Variants in FLACC1 observed in about 807,000 individuals in gnomAD.
FLACC1 encodes the protein flagellum associated containing coiled-coil domains 1.
A neutral mutation model predicts 62.8 loss-of-function variants in FLACC1; 66 were observed. The observed-to-expected ratio is 1.05, with a 90% CI of 0.86 to 1.29. FLACC1 has a LOEUF of 1.29. Among genes scored for constraint, FLACC1 ranks in the 50% most tolerant of loss-of-function variants. The probability of loss-of-function intolerance (pLI) is 0.00; values close to 1 mark genes in which losing one functional copy is unlikely to be tolerated. For synonymous variants in FLACC1, 156 were observed against 161.0 expected, an observed-to-expected ratio of 0.97 and a Z score of 0.24; for missense variants, 452 against 489.1, an observed-to-expected ratio of 0.92 and a Z score of 0.71.
At chr2:201,323,843 G>C (rs1463783237) in intron 9 of FLACC1, among the ~76,000 whole-genome samples, 2 of 140,018 alleles carry the variant, frequency 1.4e-5, no homozygotes, top group African/African-American at 5.4e-5. Flanking sequence ...AGAAAGGTGG[G>C]CTAAAAGGAG....
intron 9 of FLACC1, among the ~76,000 whole-genome samples, chr2:201,312,863 C>T (rs111636653): frequency 0.057 from 8,697 of 152,212 alleles, 702 homozygotes; most frequent in African/African-American, 0.17. Flanking sequence ...CCGTAGGACC[C>T]GGGAGATGCC....
intron 9 of FLACC1, among the ~76,000 whole-genome samples, chr2:201,327,657 AC>A (rs1388799209): frequency 1.3e-5 from 2 of 152,198 alleles, no homozygotes; most frequent in Admixed American, 1.3e-4. Flanking sequence ...AAGTAAAAAA[AC>A]AATATATTTT....
chr2:201,289,444 G>C lies in FLACC1; in HGVS notation c.1142+13C>G. On this transcript the variant is annotated intron_variant, in intron 14 of 14. Coordinates refer to ENST00000392257, the MANE Select transcript of FLACC1 (RefSeq NM_001127391.3). ...AGAGAACTCAGCTATGTCTTTTTCA[G>C]CAGCAGCCGCACTTCAGATGAATGT... is the stretch of plus-strand genomic sequence containing the variant. The C allele has an allele frequency of 6.2e-7, 1 of 1,610,864 alleles. No individual in the cohort carries two copies. The highest frequency in any genetic ancestry group is 1.1e-5 in the South Asian group (1 of 90,962).
Position 201,300,186 on chromosome 2 carries a change from G to A in FLACC1, c.880-886C>T, listed in dbSNP as rs577544410. Among the ~76,000 whole-genome samples, 80 of 152,336 alleles carry A rather than the reference G, an allele frequency of 5.3e-4. 3 individuals are homozygous for A. In the South Asian group the frequency reaches 0.014, roughly 28 times the overall value. On this transcript the variant is annotated intron_variant, in intron 11 of 14. Transcript: ENST00000392257. ...TTCCCTTTCCTAGCCAAGGGAAGCC[G>A]TGACAGACGGCACCTGGAAAATCGG...
chr2:201,350,743 G>T lies in FLACC1; in HGVS notation c.153C>A (p.Tyr51Ter). 1.2e-6 allele frequency: 2 copies of T among 1,613,772 alleles called. No homozygotes were observed. The highest frequency in any genetic ancestry group is 1.7e-6 in the Non-Finnish European group (2 of 1,179,674). Residue 51 changes from tyrosine to a stop codon, truncating the protein, a stop_gained, in exon 3 of 15, where the codon TAC becomes TAA. Coordinates refer to ENST00000392257, the MANE Select transcript of FLACC1 (RefSeq NM_001127391.3). LOFTEE classifies it high-confidence loss of function. ...AAACAACAGGTTTTGTTGGTTGGAG[G>T]TAATTGTGATTTTTTGGAGCTGGTA... ...PLVPAPKNHN[Y>*]LQPTKPVVSP...
At chr2:201,361,738 T>C (rs902542547), upstream of FLACC1, among the ~76,000 whole-genome samples, 7 of 152,252 alleles carry the variant, frequency 4.6e-5, no homozygotes, top group African/African-American at 1.7e-4. Flanking sequence ...CCTATCATAA[T>C]GTTTGAATGT....
Position 201,343,001 on chromosome 2 carries a change from G to A in FLACC1, c.463-570C>T, listed in dbSNP as rs370277601. ...GATAAATCAATACTTCAAATCAGTC[G>A]GTGACCACTGTCAGCTAGGACAAGG... On this transcript the variant is annotated intron_variant, in intron 6 of 14. Transcript: ENST00000392257. Among the ~76,000 whole-genome samples, 40 of 152,260 alleles carry A rather than the reference G, an allele frequency of 2.6e-4. No homozygotes were observed. The South Asian group carries it at 4.4e-3, about 17-fold the overall frequency.
chr2:201,328,404 T>C (rs1168922807), intron 9 of FLACC1, among the ~76,000 whole-genome samples: 1 of 151,918 alleles, frequency 6.6e-6, no homozygotes, highest in African/African-American at 2.4e-5. Context: ...TAGGGTCAAA[T>C]TTATTTCTTT....
chr2:201,306,893 T>C (rs960697661), intron 11 of FLACC1, among the ~76,000 whole-genome samples: 2 of 152,210 alleles, frequency 1.3e-5, no homozygotes, highest in East Asian at 3.9e-4. Flanking sequence ...AGGCACTTTA[T>C]GGAAGAACAT....
chr2:201,353,827 G>A (rs969913082), intron 1 of FLACC1, among the ~76,000 whole-genome samples: 2 of 152,086 alleles, frequency 1.3e-5, no homozygotes, highest in Non-Finnish European at 2.9e-5. Flanking sequence ...TGCACTCCTG[G>A]TCTCAAGGGA....
At position 201,332,166 on chromosome 2, in the gene FLACC1, G is replaced by C. The variant is rs139050199; in HGVS notation, c.525-1333C>G. Among the ~76,000 whole-genome samples the C allele has an allele frequency of 4.6e-3, 692 of 151,976 alleles. 5 individuals are homozygous for C. Among genetic ancestry groups the C allele is most frequent in the African/African-American group, 0.015 (642 of 41,448 alleles). ...ATTATATATATTTATGGGGTAAAAAGTGATGTTATGATTTATGAATACAAT... is the reference window on the plus strand; with the variant it reads ...ATTATATATATTTATGGGGTAAAAACTGATGTTATGATTTATGAATACAAT... On this transcript the variant is annotated intron_variant, in intron 7 of 14. Coordinates refer to ENST00000392257, the MANE Select transcript of FLACC1 (RefSeq NM_001127391.3).
upstream of FLACC1, among the ~76,000 whole-genome samples, chr2:201,360,155 A>C (rs1275405484): frequency 6.6e-6 from 1 of 152,218 alleles, no homozygotes; most frequent in Admixed American, 6.5e-5. Flanking sequence ...AAGGAAATGA[A>C]GGTGTTTAGG....
chr2:201,328,491 T>A (rs2125590474), intron 9 of FLACC1, among the ~76,000 whole-genome samples: 1 of 152,320 alleles, frequency 6.6e-6, no homozygotes, highest in African/African-American at 2.4e-5. Context: ...AGTGGCACGA[T>A]CTCGGCTCAC....
intron 9 of FLACC1, among the ~76,000 whole-genome samples, chr2:201,318,065 C>A (rs1010198679): frequency 6.6e-6 from 1 of 152,142 alleles, no homozygotes; most frequent in African/African-American, 2.4e-5. Flanking sequence ...GAAACTGGAT[C>A]CTCATCTCTC....
intron 9 of FLACC1, among the ~76,000 whole-genome samples, chr2:201,314,349 A>C (rs1387569815): frequency 6.6e-6 from 1 of 152,166 alleles, no homozygotes; most frequent in Non-Finnish European, 1.5e-5. Flanking sequence ...TAAATAAAAA[A>C]CAAAACTTCA....
intron 1 of FLACC1, among the ~76,000 whole-genome samples, chr2:201,356,726 C>T (rs570840226): frequency 2.8e-4 from 43 of 152,242 alleles, no homozygotes; most frequent in Non-Finnish European, 5.3e-4. Context: ...GTTGATATTT[C>T]CATGTCATCA....
At chr2:201,345,994 ATC>A (rs1156456789) in intron 5 of FLACC1, among the ~76,000 whole-genome samples, 1 of 152,164 alleles carries the variant, frequency 6.6e-6, no homozygotes, top group Non-Finnish European at 1.5e-5. Context: ...GCAAAATCCC[ATC>A]TCTACTAAAG....
At chr2:201,345,704 T>C (rs1559418713) in intron 5 of FLACC1, among the ~76,000 whole-genome samples, 1 of 152,040 alleles carries the variant, frequency 6.6e-6, no homozygotes, top group Non-Finnish European at 1.5e-5. Flanking sequence ...TCTGCATCTG[T>C]TAATGAAAAA....
chr2:201,298,702 G>A (rs1167389160), intron 12 of FLACC1, among the ~76,000 whole-genome samples: 1 of 152,130 alleles, frequency 6.6e-6, no homozygotes, highest in African/African-American at 2.4e-5. Context: ...TGTCCATTCT[G>A]GATCCAAGTC....
Sources: gnomAD v4.1 joint callset for allele counts (sites outside exome capture counted in the v4.1 genomes callset) on GRCh38, gnomAD v4.1.1 for gene constraint, MANE v1.5 for transcripts, NCBI Gene and HGNC (gene_info 2026-07-23, HGNC 2026-07-21) for gene names.